Variants in ADK observed in about 807,000 individuals in gnomAD.
ADK encodes the protein N6,N6-dimethyladenosine kinase.
In ADK, 24 loss-of-function variants were observed where a neutral mutation model predicts 44.7. The ratio of observed to expected loss-of-function variants is 0.54; its 90% CI spans 0.39 to 0.76. The LOEUF is 0.76. Ranked by LOEUF, ADK falls within the 30% of genes least tolerant of loss-of-function variation. The pLI is 0.00. For synonymous variants in ADK, 128 were observed against 142.6 expected (o/e 0.90, Z 0.73); for missense variants, 321 against 425.1 (o/e 0.76, Z 2.15).
At chr10:74,448,369 A>G (rs1845657334) in intron 6 of ADK, among the ~76,000 whole-genome samples, 1 of 152,110 alleles carries the variant, frequency 6.6e-6, no homozygotes. Flanking sequence ...GACAACTGTA[A>G]GCCTCAACTT....
chr10:74,406,529 G>GATTAAAATAATAATAATAATAAT (rs1843938388), intron 6 of ADK, among the ~76,000 whole-genome samples: 1 of 22,492 alleles, frequency 4.4e-5, no homozygotes, highest in Admixed American at 4.3e-4. Flanking sequence ...ATAATAATAA[G>GATTAAAATAATAATAATAATAAT]AAGAAGAAGA....
At chr10:74,233,325 G>A (rs913768191) in intron 3 of ADK, among the ~76,000 whole-genome samples, 5 of 152,196 alleles carry the variant, frequency 3.3e-5, no homozygotes, top group Non-Finnish European at 5.9e-5. Context: ...AAGGAGGTTC[G>A]TGTGTTGTGG....
chr10:74,248,735 A>T (rs971593506), intron 3 of ADK, among the ~76,000 whole-genome samples: 1 of 152,236 alleles, frequency 6.6e-6, no homozygotes, highest in Non-Finnish European at 1.5e-5. Context: ...TTGGTTTAGC[A>T]GATGTATTCT....
At chr10:74,694,419 T>C (rs1856102664) in intron 10 of ADK, among the ~76,000 whole-genome samples, 1 of 151,742 alleles carries the variant, frequency 6.6e-6, no homozygotes. Context: ...AACTTATTTA[T>C]TTAATTTCCT....
At chr10:74,273,580 CCT>C (rs1456226847) in intron 3 of ADK, among the ~76,000 whole-genome samples, 1 of 152,074 alleles carries the variant, frequency 6.6e-6, no homozygotes, top group Non-Finnish European at 1.5e-5. Flanking sequence ...GCCTTGGTCC[CCT>C]GAGTAGCTGG....
intron 4 of ADK, among the ~76,000 whole-genome samples, chr10:74,366,967 A>G (rs1272739108): frequency 6.6e-6 from 1 of 152,228 alleles, no homozygotes; most frequent in African/African-American, 2.4e-5. Flanking sequence ...TCAATGTGCT[A>G]TGAAACCACA....
At chr10:74,261,835 T>C (rs1336375441) in intron 3 of ADK, among the ~76,000 whole-genome samples, 1 of 152,104 alleles carries the variant, frequency 6.6e-6, no homozygotes, top group East Asian at 1.9e-4. Flanking sequence ...ATTTTTCTTA[T>C]TATGGCTTTT....
intron 7 of ADK, among the ~76,000 whole-genome samples, chr10:74,548,918 A>C (rs904955828): frequency 2.0e-5 from 3 of 152,222 alleles, no homozygotes; most frequent in African/African-American, 7.2e-5. Context: ...AAAACCTGGC[A>C]GAAGAATTTG....
chr10:74,621,546 C>T (rs934276294), intron 9 of ADK, among the ~76,000 whole-genome samples: 9 of 151,896 alleles, frequency 5.9e-5, no homozygotes, highest in Non-Finnish European at 8.8e-5. Context: ...TGTTTTTTAC[C>T]ATTTAGGGTC....
intron 4 of ADK, among the ~76,000 whole-genome samples, chr10:74,350,973 A>G (rs1250635539): frequency 6.6e-6 from 1 of 152,198 alleles, no homozygotes; most frequent in East Asian, 1.9e-4. Flanking sequence ...GACCATACAG[A>G]TTCACATCCG....
chr10:74,536,211 AG>A (rs1849443554), intron 7 of ADK, among the ~76,000 whole-genome samples: 1 of 152,076 alleles, frequency 6.6e-6, no homozygotes, highest in Non-Finnish European at 1.5e-5. Context: ...CATTTCTTTT[AG>A]GTAGTTCTGA....
At chr10:74,702,524 T>TTTCCTTCCTTCTTTCC (rs1856462889) in intron 10 of ADK, among the ~76,000 whole-genome samples, 1 of 120,818 alleles carries the variant, frequency 8.3e-6, no homozygotes, top group Non-Finnish European at 1.7e-5. Flanking sequence ...TCCTTCCTTC[T>TTTCCTTCCTTCTTTCC]TTCCTTCCTT....
chr10:74,643,975 T>G (rs1853968659), intron 9 of ADK, among the ~76,000 whole-genome samples: 1 of 152,210 alleles, frequency 6.6e-6, no homozygotes, highest in Non-Finnish European at 1.5e-5. Context: ...AACACCAGAC[T>G]CACTTCTCTG....
At chr10:74,316,299 G>A (rs554598093) in intron 4 of ADK, among the ~76,000 whole-genome samples, 6 of 152,104 alleles carry the variant, frequency 3.9e-5, no homozygotes, top group Admixed American at 6.5e-5. Context: ...ATCAAGGCAC[G>A]TTTTGCATTT....
intron 6 of ADK, among the ~76,000 whole-genome samples, chr10:74,424,661 G>A (rs1844727178): frequency 1.3e-5 from 2 of 148,618 alleles, no homozygotes; most frequent in Admixed American, 1.3e-4. Context: ...AGCCATACAT[G>A]TATCACTAAC....
intron 1 of ADK, among the ~76,000 whole-genome samples, chr10:74,182,861 C>A (rs1842612593): frequency 6.6e-6 from 1 of 152,138 alleles, no homozygotes; most frequent in Non-Finnish European, 1.5e-5. Context: ...CCCTTTCCTG[C>A]AATATTGGTT....
intron 6 of ADK, among the ~76,000 whole-genome samples, chr10:74,483,183 C>T (rs1847135304): frequency 1.3e-5 from 2 of 152,196 alleles, no homozygotes; most frequent in Admixed American, 1.3e-4. Context: ...CAGAGGCTCC[C>T]AAGCCTCATC....
At chr10:74,639,607 G>A (rs999383345) in intron 9 of ADK, among the ~76,000 whole-genome samples, 3 of 152,070 alleles carry the variant, frequency 2.0e-5, no homozygotes, top group African/African-American at 7.2e-5. Context: ...GAGGCCGAGG[G>A]GGGCAGATCA....
intron 1 of ADK, among the ~76,000 whole-genome samples, chr10:74,175,465 T>A (rs1440669807): frequency 6.6e-6 from 1 of 152,100 alleles, no homozygotes; most frequent in East Asian, 1.9e-4. Flanking sequence ...AAAATTTAAA[T>A]GAATTAAAAT....
Sources: gnomAD v4.1 joint callset for allele counts (sites outside exome capture counted in the v4.1 genomes callset) on GRCh38, gnomAD v4.1.1 for gene constraint, MANE v1.5 for transcripts, NCBI Gene and HGNC (gene_info 2026-07-23, HGNC 2026-07-21) for gene names.